Variants in DLG5 observed in about 807,000 individuals in gnomAD.
The protein encoded by DLG5 is discs large MAGUK scaffold protein 5.
A neutral mutation model predicts 189.8 loss-of-function variants in DLG5; 48 were observed. The observed-to-expected ratio is 0.25, with a 90% CI of 0.20 to 0.32. The LOEUF (loss-of-function observed/expected upper bound fraction) is 0.32. DLG5 is among the 10% of genes least tolerant of loss of function. DLG5 has a pLI of 1.00. For missense variants in DLG5, 2,160 were observed against 2,544.7 expected (o/e 0.85, Z 3.25); for synonymous variants, 1,016 against 1,054.1 (o/e 0.96, Z 0.70).
chr10:77,920,305 G>A (rs2131866172), intron 1 of DLG5, among the ~76,000 whole-genome samples: 1 of 152,324 alleles, frequency 6.6e-6, no homozygotes, highest in South Asian at 2.1e-4. Context: ...AAGCTCAGAA[G>A]GGTTAAAAAC....
intron 1 of DLG5, among the ~76,000 whole-genome samples, chr10:77,877,857 A>AGCAGGGCCGGCC (rs71030914): frequency 0.26 from 38,932 of 151,972 alleles, 5,563 homozygotes; most frequent in Admixed American, 0.39. Context: ...GAAGGAGTGG[A>AGCAGGGCCGGCC]GCAGCGCCTC....
intron 24 of DLG5, among the ~76,000 whole-genome samples, chr10:77,808,724 G>T (rs193080580): frequency 3.3e-5 from 5 of 152,298 alleles, no homozygotes; most frequent in East Asian, 1.9e-4. Context: ...CTGCCCTCAG[G>T]TTCCCTCAAT....
At chr10:77,800,306 T>C (rs1308235777) in intron 27 of DLG5, among the ~76,000 whole-genome samples, 1 of 152,136 alleles carries the variant, frequency 6.6e-6, no homozygotes, top group Non-Finnish European at 1.5e-5. Flanking sequence ...GAAGGCATCG[T>C]AGAGTGGCAG....
At chr10:77,939,402 C>T in the DLG5 span, among the ~76,000 whole-genome samples, 23 of 152,212 alleles carry the variant, frequency 1.5e-4, no homozygotes, top group South Asian at 4.1e-4. Context: ...CTAGAAGAGA[C>T]GGGTGTAGCT....
At chr10:77,882,968 G>A (rs1845328289) in intron 1 of DLG5, among the ~76,000 whole-genome samples, 1 of 151,392 alleles carries the variant, frequency 6.6e-6, no homozygotes, top group Non-Finnish European at 1.5e-5. Flanking sequence ...CTCTCCATTA[G>A]AGGTGTCCAA....
rs371440440 is a variant in DLG5 at position 77,926,431 on chromosome 10, G to A, written c.90C>T (p.Leu30=). The A allele has an allele frequency of 2.6e-6, 4 of 1,567,382 alleles. No individual in the cohort carries two copies. Among genetic ancestry groups the A allele is most frequent in the Admixed American group, 3.8e-5 (2 of 53,286 alleles). ...CGGGACTGAGCGCTCCCGCGGCCTC[G>A]AGCAGCCCGAGCACGGCTTCCACCT... ...MTEVEAVLGL[L]EAAGALSPGE... The change falls in exon 1 of 32, where the codon CTC becomes CTT. Residue 30 remains leucine, a synonymous_variant. Transcript: ENST00000372391. The surrounding 1 kb of genome is among the most constrained non-coding windows in gnomAD (Gnocchi z 5.2).
intron 1 of DLG5, among the ~76,000 whole-genome samples, chr10:77,902,859 CAAAAAATAAATA>C (rs139467052): frequency 0.11 from 16,004 of 146,510 alleles, 1,635 homozygotes; most frequent in African/African-American, 0.26. Context: ...GACTCCATCT[CAAAAAATAAATA>C]AAAAAATAAA....
At chr10:77,829,618 C>A in intron 11 of DLG5, 88 bp from the exon 12 acceptor site, 1 of 1,456,072 alleles carries the variant, frequency 6.9e-7, no homozygotes, top group South Asian at 1.3e-5. Context: ...GGGCTGACTG[C>A]CAAGGAGTGG....
In DLG5 at chr10:77,821,911, G is replaced by A; in HGVS notation, c.2573C>T (p.Pro858Leu). Residue 858 changes from proline to leucine, a missense_variant, in exon 15 of 32, where the codon CCA (proline) becomes CTA (leucine). Pro to Leu is a moderately conservative substitution (Grantham distance 98). Coordinates refer to ENST00000372391, the MANE Select transcript of DLG5 (RefSeq NM_004747.4). ...YTDRLEDRKE[P>L]GPPGGSSSFL... ...GGAGCTGCTGCCTCCTGGGGGGCCT[G>A]GCTCCTTCCTGTCTTCCAGCCTGTC... 1 of 1,614,238 alleles carries A rather than the reference G, an allele frequency of 6.2e-7. No homozygotes were observed. The highest frequency in any genetic ancestry group is 8.5e-7 in the Non-Finnish European group (1 of 1,180,048).
the DLG5 span, among the ~76,000 whole-genome samples, chr10:77,936,386 C>T: frequency 2.0e-5 from 3 of 146,978 alleles, no homozygotes; most frequent in East Asian, 4.0e-4. Context: ...TGCAGTGAGC[C>T]GAGATCACGC....
intron 1 of DLG5, among the ~76,000 whole-genome samples, chr10:77,879,032 C>T (rs1291441621): frequency 6.6e-6 from 1 of 152,182 alleles, no homozygotes; most frequent in African/African-American, 2.4e-5. Flanking sequence ...CCTCATGGAG[C>T]TCACATGAAC....
intron 23 of DLG5, among the ~76,000 whole-genome samples, chr10:77,810,666 C>G (rs1482861823): frequency 6.6e-6 from 1 of 152,236 alleles, no homozygotes; most frequent in Non-Finnish European, 1.5e-5. Flanking sequence ...ATCTTCCTGC[C>G]TGCTCTGCGG....
intron 1 of DLG5, among the ~76,000 whole-genome samples, chr10:77,890,390 T>C (rs1845571928): frequency 6.6e-6 from 1 of 152,144 alleles, no homozygotes; most frequent in African/African-American, 2.4e-5. Context: ...TCAACTCATC[T>C]CATCCACCCC....
intron 1 of DLG5, among the ~76,000 whole-genome samples, chr10:77,904,910 C>T (rs939274312): frequency 1.1e-4 from 17 of 151,560 alleles, no homozygotes; most frequent in Admixed American, 6.6e-5. Flanking sequence ...GGGTGGATTG[C>T]CTGAGGTCAG....
chr10:77,800,722 C>T (rs1841161187), intron 27 of DLG5, among the ~76,000 whole-genome samples: 3 of 152,210 alleles, frequency 2.0e-5, no homozygotes, highest in Admixed American at 2.0e-4. Context: ...TCCCTTAAAG[C>T]CATTTGCCAA....
chr10:77,843,832 T>C, intron 5 of DLG5, 126 bp from the exon 6 acceptor site: 4 of 1,275,062 alleles, frequency 3.1e-6, no homozygotes, highest in Non-Finnish European at 4.4e-6. Context: ...GGGGTTACCC[T>C]AAAGCTTTTG....
At chr10:77,899,714 G>C (rs1845869168) in intron 1 of DLG5, among the ~76,000 whole-genome samples, 1 of 152,124 alleles carries the variant, frequency 6.6e-6, no homozygotes, top group Non-Finnish European at 1.5e-5. Flanking sequence ...GGGGTAGCTG[G>C]CTCACCAGGG....
At chr10:77,908,900 A>C (rs546345384) in intron 1 of DLG5, among the ~76,000 whole-genome samples, 17 of 152,354 alleles carry the variant, frequency 1.1e-4, no homozygotes, top group African/African-American at 4.1e-4. Context: ...GAAGGTGAGA[A>C]GGAGGAAGTC....
chr10:77,807,680 T>C (rs1302988368), intron 25 of DLG5, 116 bp downstream of exon 25: 2 of 1,243,994 alleles, frequency 1.6e-6, no homozygotes, highest in Non-Finnish European at 2.2e-6. Context: ...GGAATGATGA[T>C]CATGGCCCCA....
Sources: gnomAD v4.1 joint callset for allele counts (sites outside exome capture counted in the v4.1 genomes callset) on GRCh38, gnomAD v4.1.1 for gene constraint, Gnocchi (gnomAD v3.1) non-coding constraint, MANE v1.5 for transcripts, NCBI Gene and HGNC (gene_info 2026-07-23, HGNC 2026-07-21) for gene names.